SLIT3: variants seen among roughly 807,000 people sequenced by gnomAD.
SLIT3 encodes slit homolog 3 protein.
In SLIT3, 68 loss-of-function variants were observed where a neutral mutation model predicts 184.0. That is an observed-to-expected ratio of 0.37 (90% CI 0.30 to 0.45). The LOEUF is 0.45. Ranked by LOEUF, SLIT3 falls within the 20% of genes least tolerant of loss-of-function variation. The probability of loss-of-function intolerance (pLI) is 1.00; values close to 1 mark genes in which losing one functional copy is unlikely to be tolerated. For synonymous variants in SLIT3, 831 were observed against 828.6 expected (o/e 1.00, Z -0.05); for missense variants, 1,707 against 2,026.0 (o/e 0.84, Z 3.02).
chr5:169,034,912 A>AGTGTGTGT (rs112102059), intron 4 of SLIT3, among the ~76,000 whole-genome samples: 2,288 of 132,366 alleles, frequency 0.017, 31 homozygotes, highest in Non-Finnish European at 0.026. Flanking sequence ...ACGCCCAGCT[A>AGTGTGTGT]GTGTGTGTGT....
chr5:169,286,989 C>A (rs533708382), intron 1 of SLIT3, among the ~76,000 whole-genome samples: 16 of 152,266 alleles, frequency 1.1e-4, no homozygotes, highest in African/African-American at 3.6e-4. Flanking sequence ...TAGGTCTTTG[C>A]AAAATTTCTA....
chr5:168,877,107 C>T (rs1759758772), intron 5 of SLIT3, among the ~76,000 whole-genome samples: 1 of 152,148 alleles, frequency 6.6e-6, no homozygotes, highest in Non-Finnish European at 1.5e-5. Context: ...TATCTGTGTA[C>T]ACAGGTTTGC....
chr5:168,741,600 C>G (rs1433980364), intron 20 of SLIT3, among the ~76,000 whole-genome samples: 1 of 151,938 alleles, frequency 6.6e-6, no homozygotes, highest in Non-Finnish European at 1.5e-5. Flanking sequence ...ACAATTGCTG[C>G]TCTCAGGGAG....
At chr5:169,106,096 G>A (rs2113244012) in intron 4 of SLIT3, among the ~76,000 whole-genome samples, 1 of 152,200 alleles carries the variant, frequency 6.6e-6, no homozygotes, top group East Asian at 1.9e-4. Context: ...GCTAATGAAT[G>A]CCTGGCTTAA....
chr5:169,232,766 T>G (rs951719532), intron 3 of SLIT3, among the ~76,000 whole-genome samples: 1 of 152,246 alleles, frequency 6.6e-6, no homozygotes, highest in Non-Finnish European at 1.5e-5. Flanking sequence ...CTTGGTCATT[T>G]GCATTCCTAT....
rs558090027 is a variant in SLIT3 at position 168,774,968 on chromosome 5, T to C, written c.1152-590A>G. Reference sequence around the variant, plus strand: ...GCACAGAGCCCCATGTGGTTTGACCTTGGCCCTTTCGCCAACCTCATCCTA... The same window carrying C: ...GCACAGAGCCCCATGTGGTTTGACCCTGGCCCTTTCGCCAACCTCATCCTA... On this transcript the variant is annotated intron_variant, in intron 12 of 35. Transcript: ENST00000519560. Among the ~76,000 whole-genome samples the C allele has an allele frequency of 2.6e-5, 4 of 151,892 alleles. No homozygotes were observed. The East Asian group carries it at 7.7e-4, about 29-fold the overall frequency.
At chr5:169,245,849 G>A (rs1375002777) in intron 2 of SLIT3, among the ~76,000 whole-genome samples, 1 of 152,172 alleles carries the variant, frequency 6.6e-6, no homozygotes, top group Non-Finnish European at 1.5e-5. Flanking sequence ...GGGCCCTTGT[G>A]TTTAGTTCCC....
chr5:168,694,605 T>C (rs892256600), intron 28 of SLIT3, among the ~76,000 whole-genome samples: 2 of 152,042 alleles, frequency 1.3e-5, no homozygotes, highest in Admixed American at 6.5e-5. Context: ...CTCTCTCTCT[T>C]TCTTTATCTC....
intron 4 of SLIT3, among the ~76,000 whole-genome samples, chr5:169,190,581 A>G (rs191368366): frequency 2.4e-4 from 36 of 152,348 alleles, no homozygotes; most frequent in African/African-American, 8.4e-4. Flanking sequence ...TTTTTATTAC[A>G]TGACTATAGA....
chr5:168,819,769 C>A (rs1388417383), intron 7 of SLIT3, among the ~76,000 whole-genome samples: 1 of 152,162 alleles, frequency 6.6e-6, no homozygotes, highest in Admixed American at 6.5e-5. Context: ...TGTCTCAATC[C>A]TGGCTGGCTG....
intron 4 of SLIT3, among the ~76,000 whole-genome samples, chr5:169,017,010 C>T (rs1345335046): frequency 1.3e-5 from 2 of 152,200 alleles, no homozygotes. Context: ...AAGCTCCATA[C>T]TGTGCTGTTC....
intron 4 of SLIT3, among the ~76,000 whole-genome samples, chr5:168,966,679 A>G (rs1431547233): frequency 6.6e-6 from 1 of 152,172 alleles, no homozygotes; most frequent in Non-Finnish European, 1.5e-5. Context: ...TGGGCACTCT[A>G]AATATCCCCC....
intron 4 of SLIT3, among the ~76,000 whole-genome samples, chr5:168,947,192 G>A (rs190182758): frequency 6.6e-6 from 1 of 152,262 alleles, no homozygotes. Context: ...GAAACCAAGG[G>A]CAATATAAAC....
intron 4 of SLIT3, among the ~76,000 whole-genome samples, chr5:168,915,649 CT>C (rs200015849): frequency 1.9e-3 from 277 of 148,794 alleles, no homozygotes; most frequent in African/African-American, 5.8e-3. Context: ...ATTATGCATT[CT>C]TTTTTTTTTG....
intron 4 of SLIT3, among the ~76,000 whole-genome samples, chr5:168,974,583 CA>C (rs1171993711): frequency 6.6e-6 from 1 of 152,154 alleles, no homozygotes; most frequent in Non-Finnish European, 1.5e-5. Flanking sequence ...GTATTCCTTC[CA>C]AAAGTTCTAA....
intron 4 of SLIT3, among the ~76,000 whole-genome samples, chr5:168,907,650 T>C (rs898763414): frequency 1.3e-5 from 2 of 152,060 alleles, no homozygotes; most frequent in African/African-American, 2.4e-5. Context: ...CTGAAAGAAA[T>C]ACATATAGCA....
intron 32 of SLIT3, 99 bp downstream of exon 32, chr5:168,683,867 A>C: frequency 8.6e-7 from 1 of 1,162,018 alleles, no homozygotes; most frequent in East Asian, 2.8e-5. Flanking sequence ...GGGAGAAGGG[A>C]CACCCGAGTT....
intron 4 of SLIT3, among the ~76,000 whole-genome samples, chr5:169,190,076 A>AG (rs1763500660): frequency 2.6e-5 from 4 of 152,214 alleles, no homozygotes; most frequent in Admixed American, 2.6e-4. Context: ...CCATTCTCTA[A>AG]GCAAGTGGGA....
chr5:169,160,473 C>T (rs781067084), intron 4 of SLIT3, among the ~76,000 whole-genome samples: 1 of 152,216 alleles, frequency 6.6e-6, no homozygotes, highest in Non-Finnish European at 1.5e-5. Flanking sequence ...TTCACAGTCA[C>T]AGGGGGCGAT....
Sources: allele counts gnomAD v4.1 joint callset (sites outside exome capture counted in the v4.1 genomes callset), GRCh38; gene constraint gnomAD v4.1.1; transcripts MANE v1.5; gene names NCBI Gene and HGNC (gene_info 2026-07-23, HGNC 2026-07-21).